Variants in ADRA1B observed in about 807,000 individuals in gnomAD.
The protein encoded by ADRA1B is alpha-1B adrenergic receptor.
A neutral mutation model predicts 17.9 loss-of-function variants in ADRA1B; 17 were observed. That is an observed-to-expected ratio of 0.95 (90% CI 0.65 to 1.42). ADRA1B has a LOEUF of 1.42. Among genes scored for constraint, ADRA1B ranks in the 40% most tolerant of loss-of-function variants. The probability of loss-of-function intolerance (pLI) is 0.00; values close to 1 mark genes in which losing one functional copy is unlikely to be tolerated. For missense variants in ADRA1B, 681 were observed against 722.1 expected (o/e 0.94, Z 0.65); for synonymous variants, 366 against 327.6 (o/e 1.12, Z -1.27).
chr5:159,889,527 G>T (rs2113100997), intron 1 of ADRA1B, among the ~76,000 whole-genome samples: 2 of 152,254 alleles, frequency 1.3e-5, no homozygotes, highest in South Asian at 4.1e-4. Flanking sequence ...AGTAGCACAT[G>T]ACCTAGACTC....
At chr5:159,957,605 T>C (rs1755580919) in intron 1 of ADRA1B, among the ~76,000 whole-genome samples, 1 of 152,094 alleles carries the variant, frequency 6.6e-6, no homozygotes, top group Non-Finnish European at 1.5e-5. Context: ...AGTTTTCTAT[T>C]GAGTTTTCTC....
downstream of ADRA1B, among the ~76,000 whole-genome samples, chr5:159,975,277 TG>T (rs978730045): frequency 1.9e-4 from 29 of 152,280 alleles, no homozygotes; most frequent in African/African-American, 6.5e-4. Flanking sequence ...CCAATCACCC[TG>T]GGGTTCCACA....
intron 1 of ADRA1B, among the ~76,000 whole-genome samples, chr5:159,909,547 T>C (rs1754203643): frequency 6.6e-6 from 1 of 152,242 alleles, no homozygotes. Flanking sequence ...AACTTGAGAT[T>C]TGTGTCATGT....
upstream of ADRA1B, among the ~76,000 whole-genome samples, chr5:159,914,700 A>G (rs1754261225): frequency 6.6e-6 from 1 of 152,176 alleles, no homozygotes; most frequent in African/African-American, 2.4e-5. Context: ...TTCTCAAAAA[A>G]TAAAAATAAA....
intron 1 of ADRA1B, among the ~76,000 whole-genome samples, chr5:159,907,572 CAG>C (rs142281424): frequency 0.015 from 2,335 of 151,878 alleles, 63 homozygotes; most frequent in African/African-American, 0.054. Context: ...GAGAGATTAA[CAG>C]AGAAAATCTG....
chr5:159,910,858 A>C lies in ADRA1B; in HGVS notation c.-255-5261A>C, dbSNP rs531403477. Among the ~76,000 whole-genome samples, 12 of 152,314 alleles carry C rather than the reference A, an allele frequency of 7.9e-5. 2 individuals are homozygous for C. In the South Asian group the frequency reaches 2.5e-3, roughly 32 times the overall value. On this transcript the variant is annotated intron_variant, in intron 1 of 2. Transcript: ENST00000641205. ...AGGCCCTGAAATGTCAGCTGTAAGG[A>C]ACCTATTGCCATAGGTATTTTTTGC... is the stretch of plus-strand genomic sequence containing the variant.
intron 1 of ADRA1B, among the ~76,000 whole-genome samples, chr5:159,878,132 C>T (rs552803281): frequency 3.9e-5 from 6 of 152,312 alleles, no homozygotes; most frequent in Admixed American, 2.6e-4. Context: ...CAGGCAGCTC[C>T]GACAGTCCGG....
intron 1 of ADRA1B, among the ~76,000 whole-genome samples, chr5:159,895,639 T>C (rs1355003166): frequency 6.6e-6 from 1 of 152,238 alleles, no homozygotes; most frequent in Non-Finnish European, 1.5e-5. Flanking sequence ...CTGCACATCC[T>C]GCACATGTAC....
Position 159,917,849 on chromosome 5 carries a change from C to G in ADRA1B, c.944C>G (p.Pro315Arg). 2 of 1,599,330 alleles carry G rather than the reference C, an allele frequency of 1.3e-6. No homozygotes were observed. The highest frequency in any genetic ancestry group is 1.7e-6 in the Non-Finnish European group (2 of 1,174,026). Reference protein sequence around the residue: ...LCWLPFFIALPLGSLFSTLKP... With the variant: ...LCWLPFFIALRLGSLFSTLKP... ...TGGCTACCCTTCTTCATCGCTCTAC[C>G]GCTTGGTAAGTTGGGGACTAGCAGC... The change falls in exon 1 of 2, where the codon CCG becomes CGG. Residue 315 changes from proline to arginine, a missense_variant. Around this residue, in one of 3 missense-constraint regions of ADRA1B, gnomAD observed 424 missense variants for 480.2 expected, o/e 0.88. Transcript: ENST00000306675.
At chr5:159,947,034 T>G (rs1289197804) in intron 1 of ADRA1B, among the ~76,000 whole-genome samples, 1 of 152,086 alleles carries the variant, frequency 6.6e-6, no homozygotes, top group African/African-American at 2.4e-5. Context: ...ATTGTTTCCA[T>G]TGTACAAATA....
chr5:159,954,170 T>G (rs1367646352), intron 1 of ADRA1B, among the ~76,000 whole-genome samples: 2 of 152,194 alleles, frequency 1.3e-5, no homozygotes, highest in East Asian at 3.9e-4. Context: ...ATGCTTGGTG[T>G]CTGAATCAGC....
chr5:159,930,835 A>C (rs886439277), intron 1 of ADRA1B, among the ~76,000 whole-genome samples: 4 of 151,872 alleles, frequency 2.6e-5, no homozygotes, highest in African/African-American at 7.2e-5. Flanking sequence ...AAGAACATCA[A>C]ATTAAGAAAA....
chr5:159,906,160 C>T (rs1170157214), intron 1 of ADRA1B, among the ~76,000 whole-genome samples: 2 of 152,150 alleles, frequency 1.3e-5, no homozygotes, highest in South Asian at 2.1e-4. Flanking sequence ...AACCACAATG[C>T]CATTTTTAAT....
At chr5:159,974,314 CCAG>C (rs1755939500), downstream of ADRA1B, among the ~76,000 whole-genome samples, 1 of 152,114 alleles carries the variant, frequency 6.6e-6, no homozygotes, top group Non-Finnish European at 1.5e-5. Context: ...ACAAGATTGC[CCAG>C]CAGTTCTGTC....
the ADRA1B span, among the ~76,000 whole-genome samples, chr5:159,989,098 A>G: frequency 6.6e-6 from 1 of 152,326 alleles, no homozygotes; most frequent in Non-Finnish European, 1.5e-5. Flanking sequence ...TCCCACCAAC[A>G]GTGCACAGGG....
intron 1 of ADRA1B, chr5:159,951,079 G>C (rs1212439522): frequency 1.4e-6 from 1 of 729,440 alleles, no homozygotes; most frequent in Non-Finnish European, 2.5e-6. Flanking sequence ...TGAGTCTGTT[G>C]TCATACTTCT....
rs141684904 is a variant in ADRA1B, at chr5:159,943,104, C to T, written c.949+25250C>T. Among the ~76,000 whole-genome samples the T allele has an allele frequency of 4.4e-3, 675 of 151,714 alleles. 10 individuals carry two copies. Among genetic ancestry groups the T allele is most frequent in the African/African-American group, 0.016 (656 of 41,366 alleles). On this transcript the variant is annotated intron_variant, in intron 1 of 1. Transcript: ENST00000306675. ...GCGTGCACTTGTATTCTCAGCTACT[C>T]GGGAGGCTGAGGCAGGAGAATCACT...
chr5:159,877,463 G>A (rs1342327121), intron 1 of ADRA1B, among the ~76,000 whole-genome samples: 1 of 152,124 alleles, frequency 6.6e-6, no homozygotes, highest in Non-Finnish European at 1.5e-5. Flanking sequence ...CAAAAACCGA[G>A]AAAATAATAA....
intron 1 of ADRA1B, 24 bp from the exon 2 acceptor site, chr5:159,971,855 T>TGGGGGGGGGGGGGGGGG: frequency 2.3e-6 from 1 of 435,064 alleles, no homozygotes; most frequent in Non-Finnish European, 3.6e-6. Flanking sequence ...TTTCTGCCCG[T>TGGGGGGGGGGGGGGGGG]GCCCACCCCC....
Sources: allele counts gnomAD v4.1 joint callset (sites outside exome capture counted in the v4.1 genomes callset), GRCh38; gene constraint gnomAD v4.1.1; regional missense constraint gnomAD v4.1.1; transcripts MANE v1.5; gene names NCBI Gene and HGNC (gene_info 2026-07-23, HGNC 2026-07-21).